Variants in WDFY3 observed in about 807,000 individuals in gnomAD.
WDFY3 encodes WD repeat and FYVE domain containing 3, also known as WD repeat and FYVE domain-containing protein 3.
A neutral mutation model predicts 409.6 loss-of-function variants in WDFY3; 66 were observed. The ratio of observed to expected loss-of-function variants is 0.16; its 90% CI spans 0.13 to 0.20. The LOEUF is 0.20. Ranked by LOEUF, WDFY3 falls within the 10% of genes least tolerant of loss-of-function variation. The pLI is 1.00. For missense variants in WDFY3, 3,031 were observed against 4,298.1 expected (o/e 0.71, Z 8.24); for synonymous variants, 1,521 against 1,537.1 (o/e 0.99, Z 0.25).
chr4:84,846,649 G>A (rs1046925058), intron 5 of WDFY3, among the ~76,000 whole-genome samples: 6 of 149,566 alleles, frequency 4.0e-5, no homozygotes, highest in Non-Finnish European at 5.9e-5. Flanking sequence ...TTTCATCAGC[G>A]TGGGTATTTC....
At chr4:84,688,793 C>T (rs1728762738) in intron 61 of WDFY3, among the ~76,000 whole-genome samples, 2 of 152,060 alleles carry the variant, frequency 1.3e-5, no homozygotes, top group African/African-American at 2.4e-5. Flanking sequence ...AGAATGTAGT[C>T]CTGAGGCGTC....
intron 3 of WDFY3, among the ~76,000 whole-genome samples, chr4:84,875,941 C>T (rs942521928): frequency 3.2e-4 from 48 of 152,222 alleles, no homozygotes; most frequent in African/African-American, 1.1e-3. Context: ...AGTTAGTTTT[C>T]TTTTTATAAG....
intron 65 of WDFY3, 80 bp downstream of exon 65, chr4:84,678,839 A>C: frequency 6.8e-7 from 1 of 1,463,362 alleles, no homozygotes; most frequent in Non-Finnish European, 9.3e-7. Flanking sequence ...GCCCAGGGAG[A>C]GCTAGACCCC....
chr4:84,939,764 C>A (rs896220975), intron 1 of WDFY3, among the ~76,000 whole-genome samples: 1 of 151,748 alleles, frequency 6.6e-6, no homozygotes, highest in Non-Finnish European at 1.5e-5. Context: ...GAAAAATAAT[C>A]CAGGCTCACA....
chr4:84,814,448 C>T lies in WDFY3; in HGVS notation c.1887+2944G>A, dbSNP rs139442456. Among the ~76,000 whole-genome samples the T allele has an allele frequency of 1.2e-3, 187 of 152,138 alleles. 1 individual carries two copies. The highest frequency in any genetic ancestry group is 6.8e-3 in the Middle Eastern group (2 of 294). The stretch of plus-strand genomic sequence containing the variant: ...TTTAGTTACCTGTGCTCAAACTTGG[C>T]CTAAAAATATTGAATGAAAAATACC... On this transcript the variant is annotated intron_variant, in intron 13 of 67. Transcript: ENST00000295888.
At chr4:84,763,486 A>G (rs1190689296) in intron 32 of WDFY3, among the ~76,000 whole-genome samples, 1 of 152,162 alleles carries the variant, frequency 6.6e-6, no homozygotes, top group Non-Finnish European at 1.5e-5. Context: ...ACCATGGCAC[A>G]TGTATACATA....
At chr4:84,963,102 A>C (rs1231789310) in intron 1 of WDFY3, among the ~76,000 whole-genome samples, 1 of 151,590 alleles carries the variant, frequency 6.6e-6, no homozygotes, top group African/African-American at 2.4e-5. Flanking sequence ...TAGATTTAAA[A>C]TGTAAAAACA....
At chr4:84,675,998 A>G (rs1447683972) in intron 67 of WDFY3, among the ~76,000 whole-genome samples, 4 of 152,236 alleles carry the variant, frequency 2.6e-5, no homozygotes, top group African/African-American at 9.6e-5. Context: ...AAAATAAACA[A>G]GATTATCTTT....
rs1366561507 is a variant in WDFY3, at chr4:84,740,338, G to A, written c.6313C>T (p.Arg2105Trp). The A allele has an allele frequency of 9.3e-6, 15 of 1,613,956 alleles. No homozygotes were observed. The highest frequency in any genetic ancestry group is 1.3e-5 in the Non-Finnish European group (15 of 1,180,008). Residue 2105 changes from arginine (R) to tryptophan (W), a missense_variant, in exon 39 of 68, where the codon CGG (arginine) becomes TGG (tryptophan). Around this residue, in one of 16 missense-constraint regions of WDFY3, gnomAD observed 314 missense variants for 397.4 expected, o/e 0.79. Coordinates refer to ENST00000295888, the MANE Select transcript of WDFY3 (RefSeq NM_014991.6). The part of the protein sequence containing the change: ...LNRTILYQFS[R>W]AHKTVPQQVA... ...TGCTGAGGAACGGTTTTGTGTGCCC[G>A]TGAGAACTGGTACAAGATGGTCCTA...
chr4:84,916,239 CA>C (rs1403621528), intron 2 of WDFY3, among the ~76,000 whole-genome samples: 1 of 152,076 alleles, frequency 6.6e-6, no homozygotes, highest in Non-Finnish European at 1.5e-5. Flanking sequence ...AGTAAGTTCA[CA>C]AGAGATGGGC....
At chr4:84,830,708 T>C (rs2149918857) in intron 8 of WDFY3, among the ~76,000 whole-genome samples, 1 of 152,282 alleles carries the variant, frequency 6.6e-6, no homozygotes, top group African/African-American at 2.4e-5. Context: ...CCTAATTCCA[T>C]CTATGCTGCA....
At chr4:84,863,419 C>T (rs1760936733) in intron 3 of WDFY3, among the ~76,000 whole-genome samples, 1 of 152,144 alleles carries the variant, frequency 6.6e-6, no homozygotes, top group African/African-American at 2.4e-5. Context: ...GCCACTCTAA[C>T]AGGTGTGAGG....
At chr4:84,965,187 G>T (rs1054933774) in intron 1 of WDFY3, among the ~76,000 whole-genome samples, 4 of 152,070 alleles carry the variant, frequency 2.6e-5, no homozygotes, top group South Asian at 4.1e-4. Flanking sequence ...TTCTCAACCT[G>T]CTACCAAATA....
intron 1 of WDFY3, chr4:84,965,978 G>C (rs1199333016): frequency 6.5e-6 from 1 of 152,684 alleles, no homozygotes; most frequent in South Asian, 2.1e-4. Flanking sequence ...AGGAGGCAGC[G>C]GAGGACTAGG....
chr4:84,879,083 A>G (rs1261993030), intron 3 of WDFY3, among the ~76,000 whole-genome samples: 1 of 152,144 alleles, frequency 6.6e-6, no homozygotes, highest in African/African-American at 2.4e-5. Context: ...CTAGAGACAA[A>G]ACTTTTGCAA....
intron 10 of WDFY3, 135 bp downstream of exon 10, chr4:84,826,680 A>C: frequency 3.4e-6 from 3 of 871,186 alleles, no homozygotes; most frequent in Non-Finnish European, 4.6e-6. Flanking sequence ...AACCATTAAA[A>C]AAAAAACAAG....
At position 84,769,643 on chromosome 4, in the gene WDFY3, C is replaced by T. The variant is rs184332136; in HGVS notation, c.4849+3192G>A. ...TTCACCATGTTAGCCAGGATGGTCT[C>T]GATCTCCTGACCTCGTGATCCACCC... is the stretch of plus-strand genomic sequence containing the variant. On this transcript the variant is annotated intron_variant, in intron 30 of 67. Transcript: ENST00000295888. 8.9e-3 allele frequency among the ~76,000 whole-genome samples: 1,347 copies of T among 152,082 alleles called. 17 individuals are homozygous for T. The highest frequency in any genetic ancestry group is 0.031 in the African/African-American group (1,280 of 41,466).
intron 1 of WDFY3, among the ~76,000 whole-genome samples, chr4:84,932,948 T>C (rs1770953792): frequency 6.6e-6 from 1 of 152,186 alleles, no homozygotes; most frequent in African/African-American, 2.4e-5. Context: ...AATATTTCAA[T>C]ATGAAAACAT....
In WDFY3 at chr4:84,743,693, G is replaced by T; in HGVS notation, c.6073+7C>A. On this transcript the variant is annotated splice_region_variant and intron_variant, in intron 37 of 67. Coordinates refer to ENST00000295888, the MANE Select transcript of WDFY3 (RefSeq NM_014991.6). ...GGTATTTCTATAAAATAAAAACACA[G>T]AATTACCTAATAACACATCAGCTGC... The T allele has an allele frequency of 6.5e-7, 1 of 1,531,952 alleles. No homozygotes were observed. Among genetic ancestry groups the T allele is most frequent in the South Asian group, 1.3e-5 (1 of 77,374 alleles). The allele number at this position is 1,531,952 out of a possible 1,614,324, so 94.9% of individuals were successfully genotyped here. A position where few individuals can be genotyped will look rare whatever the true frequency, so the allele number is the denominator to read the frequency against.
Sources: allele counts gnomAD v4.1 joint callset (sites outside exome capture counted in the v4.1 genomes callset), GRCh38; gene constraint gnomAD v4.1.1; regional missense constraint gnomAD v4.1.1; transcripts MANE v1.5; gene names NCBI Gene and HGNC (gene_info 2026-07-23, HGNC 2026-07-21).